Variants in PRKN observed in about 807,000 individuals in gnomAD.
The protein encoded by PRKN is E3 ubiquitin-protein ligase parkin.
In PRKN, 56 loss-of-function variants were observed where a neutral mutation model predicts 59.5. The ratio of observed to expected loss-of-function variants is 0.94; its 90% CI spans 0.76 to 1.18. PRKN has a LOEUF of 1.18. Ranked by LOEUF, PRKN falls within the 50% of genes most tolerant of loss-of-function variation. The pLI is 0.00. For missense variants in PRKN, 657 were observed against 596.4 expected (o/e 1.10, Z -1.06); for synonymous variants, 250 against 222.1 (o/e 1.13, Z -1.12).
chr6:162,025,180 T>TA (rs1268616075), intron 5 of PRKN, among the ~76,000 whole-genome samples: 2 of 151,982 alleles, frequency 1.3e-5, no homozygotes, highest in African/African-American at 2.4e-5. Context: ...CACGCCTGGC[T>TA]AATTTTTTGT....
chr6:162,389,901 TC>T (rs1277580342), intron 2 of PRKN, among the ~76,000 whole-genome samples: 2 of 152,356 alleles, frequency 1.3e-5, no homozygotes, highest in East Asian at 3.9e-4. Flanking sequence ...TTGCAGAGTT[TC>T]TCTGCACTGG....
At position 162,262,627 on chromosome 6, in the gene PRKN, G is replaced by A. The variant is rs769099303; in HGVS notation, c.310C>T (p.Arg104Trp). ...AGGACTGAGCTGCTGAGGTCCACCC[G>A]AGTCAAGCTCTGGGGCTCCCGCTCA... ...GCEREPQSLT[R>W]VDLSSSVLPG... Residue 104 changes from arginine to tryptophan, a missense_variant, in exon 3 of 12, where the codon CGG becomes TGG. Arg to Trp is a moderately radical substitution (Grantham distance 101, BLOSUM62 -3). Transcript: ENST00000366898. 2.9e-5 allele frequency: 47 copies of A among 1,613,710 alleles called. No homozygotes were observed. The South Asian group carries it at 3.2e-4, about 11-fold the overall frequency.
At chr6:162,031,417 T>TA (rs1277514122) in intron 5 of PRKN, among the ~76,000 whole-genome samples, 2 of 150,912 alleles carry the variant, frequency 1.3e-5, no homozygotes, top group Non-Finnish European at 2.9e-5. Flanking sequence ...TCCTTTTTTT[T>TA]ATCTCTCATA....
intron 5 of PRKN, among the ~76,000 whole-genome samples, chr6:162,014,745 T>G (rs1782869496): frequency 6.6e-6 from 1 of 151,926 alleles, no homozygotes; most frequent in Non-Finnish European, 1.5e-5. Flanking sequence ...AGCTCCTTAC[T>G]CCACTCCACT....
intron 1 of PRKN, among the ~76,000 whole-genome samples, chr6:162,700,290 G>A (rs1251414648): frequency 6.6e-6 from 1 of 152,130 alleles, no homozygotes; most frequent in Non-Finnish European, 1.5e-5. Context: ...AAGAAGCTTT[G>A]TCCCCATACC....
intron 6 of PRKN, among the ~76,000 whole-genome samples, chr6:161,952,634 A>G (rs1780031607): frequency 6.6e-6 from 1 of 152,198 alleles, no homozygotes; most frequent in African/African-American, 2.4e-5. Context: ...AAATACATAC[A>G]TAACATAAAT....
intron 1 of PRKN, among the ~76,000 whole-genome samples, chr6:162,471,228 G>C (rs1791724760): frequency 6.6e-6 from 1 of 151,996 alleles, no homozygotes; most frequent in South Asian, 2.1e-4. Context: ...CTCCTGAGTA[G>C]CTGGGATTAC....
intron 2 of PRKN, among the ~76,000 whole-genome samples, chr6:162,301,381 A>G (rs984464715): frequency 2.0e-5 from 3 of 152,010 alleles, no homozygotes; most frequent in African/African-American, 7.3e-5. Context: ...TTGCCTCCTA[A>G]ATATATGTCT....
At chr6:162,427,377 A>G (rs951397866) in intron 2 of PRKN, among the ~76,000 whole-genome samples, 2 of 152,204 alleles carry the variant, frequency 1.3e-5, no homozygotes, top group African/African-American at 4.8e-5. Context: ...TGTTCAGTGC[A>G]GCACTATTTG....
At chr6:162,510,701 C>T (rs1343581943) in intron 1 of PRKN, among the ~76,000 whole-genome samples, 1 of 152,110 alleles carries the variant, frequency 6.6e-6, no homozygotes, top group African/African-American at 2.4e-5. Flanking sequence ...GCGAGCAGAT[C>T]ACTTGAGGTC....
intron 4 of PRKN, among the ~76,000 whole-genome samples, chr6:162,112,432 TA>T (rs1234458541): frequency 6.6e-6 from 1 of 152,186 alleles, no homozygotes; most frequent in Non-Finnish European, 1.5e-5. Flanking sequence ...TACCACATAT[TA>T]AAAAAGATAA....
chr6:161,614,362 G>C (rs1425077994), intron 7 of PRKN, among the ~76,000 whole-genome samples: 1 of 152,336 alleles, frequency 6.6e-6, no homozygotes, highest in East Asian at 1.9e-4. Context: ...GAGGACCAAA[G>C]AGGGCTCTAT....
intron 1 of PRKN, among the ~76,000 whole-genome samples, chr6:162,466,853 T>C (rs764794626): frequency 4.6e-5 from 7 of 152,118 alleles, no homozygotes; most frequent in Non-Finnish European, 1.0e-4. Context: ...GGGTAATTCA[T>C]CACTGCTAAG....
In PRKN at chr6:162,069,968, T is replaced by A. The variant is rs575246872; in HGVS notation, c.535-15794A>T. Among the ~76,000 whole-genome samples the A allele has an allele frequency of 2.0e-3, 311 of 152,338 alleles. 2 individuals carry two copies. Among genetic ancestry groups the A allele is most frequent in the Admixed American group, 5.0e-3 (76 of 15,304 alleles). ...AGTCTCCAAGAGACTATGATCATAA[T>A]AAAAGCAATGGCAATGGCATCACCT... On this transcript the variant is annotated intron_variant, in intron 4 of 11. Transcript: ENST00000366898.
chr6:162,694,091 C>CA (rs1777879974), intron 1 of PRKN, among the ~76,000 whole-genome samples: 1 of 151,788 alleles, frequency 6.6e-6, no homozygotes, highest in Non-Finnish European at 1.5e-5. Flanking sequence ...ACTAAAAATA[C>CA]AAAAAATTAG....
chr6:162,000,729 C>T (rs557025578), intron 5 of PRKN, among the ~76,000 whole-genome samples: 30 of 151,838 alleles, frequency 2.0e-4, no homozygotes, highest in African/African-American at 6.3e-4. Context: ...ATTACTATAC[C>T]TAAGGTCATC....
At chr6:161,850,370 G>C (rs1376260123) in intron 6 of PRKN, among the ~76,000 whole-genome samples, 3 of 152,162 alleles carry the variant, frequency 2.0e-5, no homozygotes, top group African/African-American at 4.8e-5. Flanking sequence ...ACGAGGTCAA[G>C]AGATAGAGAC....
At chr6:161,703,835 CTCTCTTTTTTTTTTTTTTTTTTTTT>C (rs1329310149) in intron 7 of PRKN, among the ~76,000 whole-genome samples, 1 of 126,444 alleles carries the variant, frequency 7.9e-6, no homozygotes, top group African/African-American at 3.2e-5. Context: ...CTCTCTCTCT[CTCTCTTTTTTTTTTTTTTTTTTTTT>C]TTTTTTTTTT....
chr6:162,422,842 A>T (rs1304112691), intron 2 of PRKN, among the ~76,000 whole-genome samples: 1 of 150,160 alleles, frequency 6.7e-6, no homozygotes, highest in Admixed American at 6.7e-5. Flanking sequence ...GCTACTTGGG[A>T]GGCTGAGGCA....
Sources: gnomAD v4.1 joint callset for allele counts (sites outside exome capture counted in the v4.1 genomes callset) on GRCh38, gnomAD v4.1.1 for gene constraint, MANE v1.5 for transcripts, NCBI Gene and HGNC (gene_info 2026-07-23, HGNC 2026-07-21) for gene names.